Variants in YEATS4 observed in about 807,000 individuals in gnomAD.
YEATS4 encodes the protein YEATS domain containing 4.
In YEATS4, 17 loss-of-function variants were observed where a neutral mutation model predicts 30.1. The ratio of observed to expected loss-of-function variants is 0.56; its 90% CI spans 0.39 to 0.85. The LOEUF is 0.85. Ranked by LOEUF, YEATS4 falls within the 40% of genes least tolerant of loss-of-function variation. The probability of loss-of-function intolerance (pLI) is 0.00; values close to 1 mark genes in which losing one functional copy is unlikely to be tolerated. For synonymous variants in YEATS4, 85 were observed against 87.5 expected, an observed-to-expected ratio of 0.97 and a Z score of 0.16; for missense variants, 142 against 268.3, an observed-to-expected ratio of 0.53 and a Z score of 3.29.
chr12:69,388,069 T>A (rs77169923), intron 6 of YEATS4, among the ~76,000 whole-genome samples: 9 of 125,234 alleles, frequency 7.2e-5, no homozygotes, highest in Admixed American at 3.3e-4. Flanking sequence ...TTTTATTTTT[T>A]TTTTTTGAGG....
At chr12:69,399,142 G>T in the YEATS4 span, among the ~76,000 whole-genome samples, 1 of 151,246 alleles carries the variant, frequency 6.6e-6, no homozygotes, top group African/African-American at 2.4e-5. Flanking sequence ...GTGAGACTCC[G>T]TCCCCCCCAA....
the YEATS4 span, among the ~76,000 whole-genome samples, chr12:69,396,933 G>A: frequency 6.6e-6 from 1 of 152,076 alleles, no homozygotes; most frequent in South Asian, 2.1e-4. Flanking sequence ...ATAGTTAGGG[G>A]AAAATAAACT....
At chr12:69,382,290 T>C (rs1368448628) in intron 6 of YEATS4, among the ~76,000 whole-genome samples, 6 of 152,180 alleles carry the variant, frequency 3.9e-5, no homozygotes, top group East Asian at 1.9e-4. Flanking sequence ...GGGCACTGAG[T>C]TTCCCTGGGC....
At chr12:69,364,147 C>G (rs536520944) in intron 2 of YEATS4, 8 of 447,250 alleles carry the variant, frequency 1.8e-5, no homozygotes, top group Admixed American at 9.7e-5. Context: ...TTATGAGACT[C>G]TGTGAATATA....
intron 4 of YEATS4, among the ~76,000 whole-genome samples, chr12:69,367,081 T>C (rs315129): frequency 0.059 from 9,011 of 152,280 alleles, 393 homozygotes; most frequent in African/African-American, 0.12. Flanking sequence ...CAAATGAGAA[T>C]CTAGTTTGGG....
the YEATS4 span, among the ~76,000 whole-genome samples, chr12:69,400,339 A>C: frequency 6.6e-6 from 1 of 152,146 alleles, no homozygotes; most frequent in African/African-American, 2.4e-5. Flanking sequence ...ATTGATCAAA[A>C]GTTTTTAATA....
At chr12:69,412,934 G>A in the YEATS4 span, among the ~76,000 whole-genome samples, 5 of 152,162 alleles carry the variant, frequency 3.3e-5, no homozygotes, top group South Asian at 2.1e-4. Flanking sequence ...AGAATGCAGC[G>A]GTGGAAGGGG....
the YEATS4 span, among the ~76,000 whole-genome samples, chr12:69,406,250 G>C: frequency 1.3e-5 from 2 of 152,158 alleles, no homozygotes; most frequent in Admixed American, 6.5e-5. Flanking sequence ...CTGTGCGTTA[G>C]AGTACCTGTT....
In YEATS4 at chr12:69,372,537, G is replaced by A. The variant is rs928330844; in HGVS notation, c.514+1562G>A. On this transcript the variant is annotated intron_variant, in intron 6 of 6. Coordinates refer to ENST00000247843, the MANE Select transcript of YEATS4 (RefSeq NM_006530.4). The stretch of plus-strand genomic sequence containing the variant: ...CTACTCTGTTTTCTGTATCTCATGA[G>A]TTTTTTTTTTTTTTTGAGACAGAGC... 3.6e-4 allele frequency among the ~76,000 whole-genome samples: 44 copies of A among 123,036 alleles called. 1 individual carries two copies. Among genetic ancestry groups the A allele is most frequent in the Non-Finnish European group, 5.1e-4 (31 of 61,180 alleles). The allele number at this position is 123,036 out of a possible 152,430, so 80.7% of individuals were successfully genotyped here.
chr12:69,369,945 ATT>A (rs1875577547), intron 4 of YEATS4, among the ~76,000 whole-genome samples: 1 of 152,068 alleles, frequency 6.6e-6, no homozygotes, highest in Non-Finnish European at 1.5e-5. Flanking sequence ...GTTGCAAGGA[ATT>A]TTATATTTTC....
rs1330852532 is a variant in YEATS4, at chr12:69,370,961, A to G, written c.500A>G (p.Lys167Arg). ...CGTCAGCTAACATTAGGAGCCTATA[A>G]GCATGAAACAGAATGTAAGTGCCAT... ...TSRQLTLGAY[K>R]HETEFAELEV... The change falls in exon 6 of 7, where the codon AAG (lysine) becomes AGG (arginine). Residue 167 changes from lysine (K) to arginine (R), a missense_variant. By Grantham distance (26) the Lys-to-Arg change is conservative (BLOSUM62 2). Coordinates refer to ENST00000247843, the MANE Select transcript of YEATS4 (RefSeq NM_006530.4). The G allele has an allele frequency of 1.2e-6, 2 of 1,610,920 alleles. No homozygotes were observed.
At chr12:69,415,169 G>T in the YEATS4 span, among the ~76,000 whole-genome samples, 1 of 152,160 alleles carries the variant, frequency 6.6e-6, no homozygotes, top group African/African-American at 2.4e-5. Context: ...AACAGGGGAT[G>T]TTGATTCCCC....
the YEATS4 span, among the ~76,000 whole-genome samples, chr12:69,401,423 A>T: frequency 6.6e-6 from 1 of 152,194 alleles, no homozygotes; most frequent in African/African-American, 2.4e-5. Flanking sequence ...GTTGGGGAGC[A>T]TGAGTAAAGG....
intron 4 of YEATS4, among the ~76,000 whole-genome samples, chr12:69,367,664 T>C (rs315130): frequency 0.76 from 115,292 of 152,138 alleles, 44,071 homozygotes; most frequent in African/African-American, 0.87. Context: ...CCATGACCGG[T>C]CAAGAAATTA....
At chr12:69,372,451 A>G (rs746156392) in intron 6 of YEATS4, among the ~76,000 whole-genome samples, 46 of 151,420 alleles carry the variant, frequency 3.0e-4, no homozygotes, top group Non-Finnish European at 8.8e-5. Context: ...TATTTTTTGT[A>G]CCAATAACCA....
the YEATS4 span, among the ~76,000 whole-genome samples, chr12:69,414,838 G>T: frequency 6.6e-6 from 1 of 152,208 alleles, no homozygotes; most frequent in East Asian, 1.9e-4. Context: ...TTGCTCATCA[G>T]TGGCACTGGG....
the YEATS4 span, among the ~76,000 whole-genome samples, chr12:69,414,957 A>G: frequency 6.6e-6 from 1 of 152,312 alleles, no homozygotes; most frequent in African/African-American, 2.4e-5. Context: ...AGTCTCCATC[A>G]ATGTATTATA....
At chr12:69,390,079 T>C in intron 6 of YEATS4, 68 bp from the exon 7 acceptor site, 1 of 1,297,186 alleles carries the variant, frequency 7.7e-7, no homozygotes, top group Non-Finnish European at 1.0e-6. Flanking sequence ...AATGCCATAT[T>C]TATTACCCTG....
chr12:69,388,594 A>ATT (rs1592861464), intron 6 of YEATS4, among the ~76,000 whole-genome samples: 1 of 152,146 alleles, frequency 6.6e-6, no homozygotes, highest in African/African-American at 2.4e-5. Context: ...ACAAGCAGAT[A>ATT]TTTTTCTTTG....
Sources: allele counts gnomAD v4.1 joint callset (sites outside exome capture counted in the v4.1 genomes callset), GRCh38; gene constraint gnomAD v4.1.1; transcripts MANE v1.5; gene names NCBI Gene and HGNC (gene_info 2026-07-23, HGNC 2026-07-21).